The following MAML2 variants were observed in gnomAD, a reference collection of about 807,000 sequenced individuals.
MAML2 encodes mastermind-like protein 2.
In MAML2, 22 loss-of-function variants were observed where a neutral mutation model predicts 96.1. That is an observed-to-expected ratio of 0.23 (90% CI 0.16 to 0.33). The LOEUF is 0.33. Among genes scored for constraint, MAML2 ranks in the 10% least tolerant of loss-of-function variants. The pLI is 1.00. For synonymous variants in MAML2, 561 were observed against 521.3 expected (o/e 1.08, Z -1.04); for missense variants, 1,367 against 1,392.4 (o/e 0.98, Z 0.29).
intron 1 of MAML2, among the ~76,000 whole-genome samples, chr11:96,257,087 C>G (rs773334096): frequency 7.2e-5 from 11 of 152,228 alleles, no homozygotes; most frequent in Non-Finnish European, 1.5e-4. Flanking sequence ...GTGATCCCAA[C>G]TTTTGCATTC....
intron 1 of MAML2, among the ~76,000 whole-genome samples, chr11:96,182,133 G>A (rs1004436925): frequency 3.3e-5 from 5 of 152,124 alleles, no homozygotes; most frequent in East Asian, 1.9e-4. Flanking sequence ...GCGTGCCTCC[G>A]TTTTAATTTC....
chr11:96,126,438 G>A (rs1860438911), intron 1 of MAML2, among the ~76,000 whole-genome samples: 2 of 36,316 alleles, frequency 5.5e-5, no homozygotes, highest in African/African-American at 8.6e-5. Flanking sequence ...TACACTTGTA[G>A]TCCCAGCTAG....
At chr11:96,250,104 C>T (rs930104409) in intron 1 of MAML2, among the ~76,000 whole-genome samples, 3 of 152,068 alleles carry the variant, frequency 2.0e-5, no homozygotes, top group Admixed American at 6.5e-5. Context: ...CCTGCAGGCC[C>T]GCTCTGCATG....
At chr11:96,151,654 A>G (rs1860924676) in intron 1 of MAML2, among the ~76,000 whole-genome samples, 1 of 151,964 alleles carries the variant, frequency 6.6e-6, no homozygotes, top group Non-Finnish European at 1.5e-5. Flanking sequence ...AGTATGTAGC[A>G]CCTTCCCCCT....
intron 2 of MAML2, among the ~76,000 whole-genome samples, chr11:96,006,800 T>A (rs1428884307): frequency 2.0e-5 from 3 of 150,922 alleles, no homozygotes; most frequent in Non-Finnish European, 4.4e-5. Flanking sequence ...CCTCAGGTGA[T>A]CCGCCTGCCT....
At chr11:96,313,791 A>G (rs1455951994) in intron 1 of MAML2, among the ~76,000 whole-genome samples, 2 of 152,184 alleles carry the variant, frequency 1.3e-5, no homozygotes, top group Non-Finnish European at 2.9e-5. Context: ...AGACAAATAT[A>G]CCCATCCTCA....
chr11:96,158,251 T>C (rs1861044214), intron 1 of MAML2, among the ~76,000 whole-genome samples: 2 of 152,250 alleles, frequency 1.3e-5, no homozygotes, highest in South Asian at 4.1e-4. Flanking sequence ...CTAATTCTCA[T>C]AGTCTGTTGA....
At position 96,342,474 on chromosome 11, in the gene MAML2, A is replaced by C. The variant is rs945469309; in HGVS notation, c.-579T>G. On this transcript the variant is annotated 5_prime_UTR_variant, in exon 1 of 5. Coordinates refer to ENST00000524717, the MANE Select transcript of MAML2 (RefSeq NM_032427.4). The stretch of plus-strand genomic sequence containing the variant: ...ATAAAAAACCAAAACAAAACAAAAC[A>C]GTGCTGTTTCAGAAGATGTTTAAGT... 1 of 398,654 alleles carries C rather than the reference A, an allele frequency of 2.5e-6. No homozygotes were observed. Among genetic ancestry groups the C allele is most frequent in the Non-Finnish European group, 4.4e-6 (1 of 226,116 alleles). The allele number at this position is 398,654 out of a possible 1,614,324, so 24.7% of individuals were successfully genotyped here.
chr11:96,203,780 ATATT>A (rs1171645124), intron 1 of MAML2, among the ~76,000 whole-genome samples: 2 of 152,230 alleles, frequency 1.3e-5, no homozygotes, highest in Non-Finnish European at 2.9e-5. Flanking sequence ...ATGCATGAAA[ATATT>A]TAGCCTACCC....
intron 1 of MAML2, among the ~76,000 whole-genome samples, chr11:96,245,835 G>C (rs150189996): frequency 0.026 from 3,925 of 151,894 alleles, 67 homozygotes; most frequent in Non-Finnish European, 0.038. Context: ...CTCCTGAGTA[G>C]CTGGGATTAC....
chr11:96,307,123 T>C (rs1863474589), intron 1 of MAML2, among the ~76,000 whole-genome samples: 1 of 152,184 alleles, frequency 6.6e-6, no homozygotes, highest in Non-Finnish European at 1.5e-5. Flanking sequence ...CCTGAAGTCT[T>C]GAGCTTTCCC....
intron 1 of MAML2, among the ~76,000 whole-genome samples, chr11:96,105,035 A>G (rs967620541): frequency 3.3e-5 from 5 of 152,352 alleles, no homozygotes; most frequent in East Asian, 3.9e-4. Flanking sequence ...ATTCCCAACT[A>G]AAACAAAGAA....
chr11:96,099,012 G>GA (rs1429641762), intron 1 of MAML2, among the ~76,000 whole-genome samples: 1 of 151,604 alleles, frequency 6.6e-6, no homozygotes, highest in Non-Finnish European at 1.5e-5. Context: ...TGCTGCCCTA[G>GA]AAACAGGGAA....
chr11:96,240,487 C>A (rs1230266924), intron 1 of MAML2, among the ~76,000 whole-genome samples: 1 of 133,764 alleles, frequency 7.5e-6, no homozygotes, highest in African/African-American at 2.8e-5. Context: ...GGAGGCAGAG[C>A]TTGCAGTGAG....
chr11:96,116,883 C>A (rs888686241), intron 1 of MAML2, among the ~76,000 whole-genome samples: 4 of 152,058 alleles, frequency 2.6e-5, no homozygotes, highest in Non-Finnish European at 5.9e-5. Flanking sequence ...AAATACGTAG[C>A]ACATGAGGAG....
chr11:96,195,542 G>T (rs933760557), intron 1 of MAML2, among the ~76,000 whole-genome samples: 2 of 152,138 alleles, frequency 1.3e-5, no homozygotes, highest in African/African-American at 4.8e-5. Context: ...TGCCTTCTGG[G>T]TGTCTGTTTC....
At chr11:96,193,143 C>T (rs1041917116) in intron 1 of MAML2, among the ~76,000 whole-genome samples, 5 of 152,026 alleles carry the variant, frequency 3.3e-5, no homozygotes, top group African/African-American at 4.8e-5. Context: ...CTGAGGTGGG[C>T]GGATCACAAG....
At chr11:96,027,602 G>A (rs957434286) in intron 2 of MAML2, among the ~76,000 whole-genome samples, 3 of 152,232 alleles carry the variant, frequency 2.0e-5, no homozygotes, top group African/African-American at 7.2e-5. Context: ...CAGATCTGGG[G>A]AGAATGGAGC....
intron 3 of MAML2, 45 bp downstream of exon 3, chr11:95,991,475 T>C: frequency 1.3e-6 from 2 of 1,563,942 alleles, no homozygotes; most frequent in East Asian, 4.5e-5. Context: ...ACTCCCTCTG[T>C]TGGGTCAACA....
Sources: gnomAD v4.1 joint callset for allele counts (sites outside exome capture counted in the v4.1 genomes callset) on GRCh38, gnomAD v4.1.1 for gene constraint, MANE v1.5 for transcripts, NCBI Gene and HGNC (gene_info 2026-07-23, HGNC 2026-07-21) for gene names.